SAMD4A: variants seen among roughly 807,000 people sequenced by gnomAD.
SAMD4A encodes sterile alpha motif domain containing 4A.
Under a neutral mutation model 81.3 loss-of-function variants are expected in SAMD4A, and 33 were observed. That is an observed-to-expected ratio of 0.41 (90% CI 0.31 to 0.54). SAMD4A has a LOEUF of 0.54. SAMD4A is among the 20% of genes least tolerant of loss of function. The pLI is 0.37. For missense variants in SAMD4A, 854 were observed against 951.1 expected (o/e 0.90, Z 1.34); for synonymous variants, 389 against 382.1 (o/e 1.02, Z -0.21).
chr14:54,661,251 C>T (rs2035636719), intron 2 of SAMD4A, among the ~76,000 whole-genome samples: 1 of 152,212 alleles, frequency 6.6e-6, no homozygotes, highest in Non-Finnish European at 1.5e-5. Context: ...TATAACTTTA[C>T]TTACCTTGAC....
At chr14:54,592,033 C>G (rs1404915263) in intron 2 of SAMD4A, among the ~76,000 whole-genome samples, 1 of 151,950 alleles carries the variant, frequency 6.6e-6, no homozygotes, top group Non-Finnish European at 1.5e-5. Flanking sequence ...ACTGCCCTTC[C>G]TCCTCAAAGC....
At chr14:54,625,438 TGC>T (rs2034721886) in intron 2 of SAMD4A, among the ~76,000 whole-genome samples, 1 of 152,252 alleles carries the variant, frequency 6.6e-6, no homozygotes, top group Non-Finnish European at 1.5e-5. Flanking sequence ...TGAGATGAGC[TGC>T]CCGAAAGTTC....
At chr14:54,578,666 C>T (rs568032732) in intron 2 of SAMD4A, among the ~76,000 whole-genome samples, 6 of 151,690 alleles carry the variant, frequency 4.0e-5, no homozygotes, top group African/African-American at 9.7e-5. Context: ...AAGCCGAGAT[C>T]GCACCACTGC....
intron 2 of SAMD4A, among the ~76,000 whole-genome samples, chr14:54,579,666 A>G (rs1190643994): frequency 1.3e-5 from 2 of 152,238 alleles, no homozygotes; most frequent in African/African-American, 4.8e-5. Context: ...GGCTTTAAAA[A>G]AATGAAGTGA....
At chr14:54,659,546 C>T (rs1006457285) in intron 2 of SAMD4A, among the ~76,000 whole-genome samples, 6 of 152,176 alleles carry the variant, frequency 3.9e-5, no homozygotes, top group African/African-American at 1.4e-4. Flanking sequence ...AATGAATAAT[C>T]AGTCATCAAA....
chr14:54,700,883 T>A (rs1182032531), intron 2 of SAMD4A: 1 of 152,144 alleles, frequency 6.6e-6, no homozygotes, highest in Admixed American at 6.5e-5. Context: ...AAACACTGTA[T>A]GATTCTACTT....
At chr14:54,626,057 TGTGCGCGCGCGCGCGCGCGA>T (rs1424179856) in intron 2 of SAMD4A, among the ~76,000 whole-genome samples, 23 of 105,792 alleles carry the variant, frequency 2.2e-4, no homozygotes, top group Non-Finnish European at 4.1e-4. Flanking sequence ...TGTGTGTGTG[TGTGCGCGCGCGCGCGCGCGA>T]GTGCGCACAT....
rs112109736 is a variant in SAMD4A, at chr14:54,710,385, C to G, written c.715+7805C>G. 7.8e-3 allele frequency among the ~76,000 whole-genome samples: 1,180 copies of G among 152,182 alleles called. 14 individuals are homozygous for G. Among genetic ancestry groups the G allele is most frequent in the Middle Eastern group, 0.031 (9 of 294 alleles). On this transcript the variant is annotated intron_variant, in intron 3 of 12. Transcript: ENST00000554335. ...ATATTAACTCATTGAATCCTCATAA[C>G]CTCATGATGGTGGGTATTATTGTTA...
chr14:54,717,266 C>A (rs527467309), intron 3 of SAMD4A, among the ~76,000 whole-genome samples: 7 of 151,744 alleles, frequency 4.6e-5, no homozygotes, highest in African/African-American at 9.7e-5. Flanking sequence ...CATAGCTAGA[C>A]CCCTATCTCT....
At chr14:54,657,915 T>C (rs1048782730) in intron 2 of SAMD4A, among the ~76,000 whole-genome samples, 2 of 152,224 alleles carry the variant, frequency 1.3e-5, no homozygotes, top group Admixed American at 6.5e-5. Flanking sequence ...TGTGAAAATA[T>C]CTTTAACAGC....
At chr14:54,782,862 C>T (rs555566995) in intron 11 of SAMD4A, among the ~76,000 whole-genome samples, 10 of 152,340 alleles carry the variant, frequency 6.6e-5, no homozygotes, top group South Asian at 2.1e-4. Flanking sequence ...CCACCAACTT[C>T]GTTTCACTTC....
chr14:54,639,887 C>T (rs1011460527), intron 2 of SAMD4A, among the ~76,000 whole-genome samples: 1 of 152,038 alleles, frequency 6.6e-6, no homozygotes, highest in Non-Finnish European at 1.5e-5. Context: ...TGTAAAGAAG[C>T]AGTCTAACAT....
intron 2 of SAMD4A, among the ~76,000 whole-genome samples, chr14:54,575,717 A>C (rs1256385867): frequency 3.3e-5 from 5 of 152,214 alleles, no homozygotes; most frequent in African/African-American, 1.2e-4. Flanking sequence ...TTGACTTAAA[A>C]ATCTTTTCAA....
intron 2 of SAMD4A, among the ~76,000 whole-genome samples, chr14:54,683,722 T>C (rs1444722733): frequency 1.3e-5 from 2 of 152,232 alleles, no homozygotes; most frequent in Non-Finnish European, 2.9e-5. Context: ...CAAGTTTTTA[T>C]TCTTCAAGGC....
intron 2 of SAMD4A, among the ~76,000 whole-genome samples, chr14:54,609,171 T>G (rs556792151): frequency 8.5e-5 from 13 of 152,332 alleles, no homozygotes; most frequent in African/African-American, 3.1e-4. Flanking sequence ...ATTATTGTAG[T>G]GGGCTCAATG....
chr14:54,762,488 G>A (rs2038425582), intron 7 of SAMD4A, among the ~76,000 whole-genome samples: 1 of 152,190 alleles, frequency 6.6e-6, no homozygotes, highest in African/African-American at 2.4e-5. Flanking sequence ...TTGATGGCCA[G>A]GGTGGGCCCT....
intron 2 of SAMD4A, chr14:54,685,582 C>T (rs569830596): frequency 9.4e-6 from 4 of 423,336 alleles, no homozygotes; most frequent in South Asian, 5.0e-5. Flanking sequence ...AGTACTTGTT[C>T]GTAGATTTTT....
chr14:54,784,428 C>A (rs2039081684), intron 11 of SAMD4A, 109 bp from the exon 12 acceptor site: 10 of 1,610,528 alleles, frequency 6.2e-6, no homozygotes, highest in South Asian at 1.1e-5. Flanking sequence ...CGCTGACAGT[C>A]CCCAAGTCCT....
At chr14:54,714,146 G>C (rs940783846) in intron 3 of SAMD4A, among the ~76,000 whole-genome samples, 5 of 152,208 alleles carry the variant, frequency 3.3e-5, no homozygotes, top group African/African-American at 1.2e-4. Flanking sequence ...TCTAAGAAGA[G>C]GGTACCTGAC....
Sources: gnomAD v4.1 joint callset for allele counts (sites outside exome capture counted in the v4.1 genomes callset) on GRCh38, gnomAD v4.1.1 for gene constraint, MANE v1.5 for transcripts, NCBI Gene and HGNC (gene_info 2026-07-23, HGNC 2026-07-21) for gene names.